The following UPRT variants were observed in gnomAD, a reference collection of about 807,000 sequenced individuals.
UPRT encodes the protein uracil phosphoribosyltransferase homolog.
Under a neutral mutation model 22.6 loss-of-function variants are expected in UPRT, and 5 were observed. The observed-to-expected ratio is 0.22, with a 90% CI of 0.12 to 0.47. UPRT has a LOEUF of 0.47. UPRT is among the 20% of genes least tolerant of loss of function. The pLI is 0.99. For synonymous variants in UPRT, 77 were observed against 87.7 expected, an observed-to-expected ratio of 0.88 and a Z score of 0.68; for missense variants, 181 against 239.9, an observed-to-expected ratio of 0.75 and a Z score of 1.62.
At chrX:75,217,236 C>T (rs938056895) in intron 4 of UPRT, among the ~76,000 whole-genome samples, 4 of 110,590 alleles carry the variant, frequency 3.6e-5, no homozygotes, top group Admixed American at 2.9e-4. Context: ...TGTTACGTAG[C>T]GTGATGCCTC....
intron 4 of UPRT, among the ~76,000 whole-genome samples, chrX:75,228,744 G>T (rs1667318569): frequency 9.0e-6 from 1 of 111,688 alleles, no homozygotes; most frequent in Non-Finnish European, 1.9e-5. Context: ...AATTTAACAG[G>T]TTCTCTTTTT....
At chrX:75,181,268 G>T (rs746718036) in intron 4 of UPRT, among the ~76,000 whole-genome samples, 168 of 111,611 alleles carry the variant, frequency 1.5e-3, no homozygotes, top group Non-Finnish European at 2.7e-3. Context: ...TTGTAGTATA[G>T]TTTGAAATTG....
chrX:75,214,901 A>G (rs939107470), intron 4 of UPRT, among the ~76,000 whole-genome samples: 1 of 110,082 alleles, frequency 9.1e-6, no homozygotes, highest in Non-Finnish European at 1.9e-5. Context: ...TGAAAGAGTA[A>G]GGCTTTGTCT....
At chrX:75,177,013 T>C (rs2082249126) in intron 4 of UPRT, among the ~76,000 whole-genome samples, 1 of 111,043 alleles carries the variant, frequency 9.0e-6, no homozygotes, top group Admixed American at 9.5e-5. Flanking sequence ...ATTTCAAGGG[T>C]GAGCCTGTTG....
intron 4 of UPRT, among the ~76,000 whole-genome samples, chrX:75,245,630 T>C (rs2082502555): frequency 8.9e-6 from 1 of 112,374 alleles, no homozygotes; most frequent in South Asian, 3.7e-4. Context: ...AATGACATCA[T>C]GTGCTTTGCA....
intron 4 of UPRT, among the ~76,000 whole-genome samples, chrX:75,251,314 G>A (rs770842207): frequency 6.3e-5 from 7 of 111,118 alleles, no homozygotes; most frequent in African/African-American, 1.6e-4. Flanking sequence ...TAGAAAACCC[G>A]ATCGTCTCAG....
intron 4 of UPRT, among the ~76,000 whole-genome samples, chrX:75,219,066 T>A (rs5981812): frequency 0.032 from 3,551 of 111,533 alleles, 147 homozygotes; most frequent in African/African-American, 0.11. Context: ...AAAAAGAGTG[T>A]TGTTACTAAA....
chrX:75,303,536 T>G lies in UPRT; in HGVS notation c.*25T>G, dbSNP rs757791218. 1 of 1,051,113 alleles carries G rather than the reference T, an allele frequency of 9.5e-7. No individual in the cohort carries two copies. The highest frequency in any genetic ancestry group is 2.1e-5 in the South Asian group (1 of 48,155). The allele number at this position is 1,051,113 out of a possible 1,213,427, so 86.6% of individuals were successfully genotyped here. On this transcript the variant is annotated 3_prime_UTR_variant, in exon 7 of 7. Coordinates refer to ENST00000373383, the MANE Select transcript of UPRT (RefSeq NM_145052.4). ...AGTTATTTAAGTAAAATAATTATCT[T>G]ATGTAATATTACAATCATGTTTTGA...
At chrX:75,158,107 T>A (rs748976281) in intron 1 of UPRT, among the ~76,000 whole-genome samples, 1 of 112,107 alleles carries the variant, frequency 8.9e-6, no homozygotes, top group Non-Finnish European at 1.9e-5. Context: ...TGAATAACAT[T>A]GAAATACCCA....
chrX:75,263,684 A>AT (rs944530202), intron 4 of UPRT, among the ~76,000 whole-genome samples: 8 of 106,915 alleles, frequency 7.5e-5, no homozygotes, highest in African/African-American at 2.4e-4. Context: ...GGATTCATTA[A>AT]TTTTTTGAAG....
upstream of UPRT, among the ~76,000 whole-genome samples, chrX:75,272,457 A>G (rs1189675572): frequency 1.9e-5 from 2 of 106,125 alleles, no homozygotes; most frequent in Non-Finnish European, 3.9e-5. Flanking sequence ...TTGGAGACTA[A>G]TATTCTAAGT....
Position 75,300,876 on chromosome X carries a change from A to G in UPRT, c.734A>G (p.Asn245Ser), listed in dbSNP as rs2082741931. ...TATCTTTTGATTTCAGGCACTGGAAATACTGTAATTGAAGCTGTAAAGGTT... is the reference window on the plus strand; with the variant it reads ...TATCTTTTGATTTCAGGCACTGGAAGTACTGTAATTGAAGCTGTAAAGGTT... ...LLMYPILSTG[N>S]TVIEAVKVLI... The change falls in exon 6 of 7, where the codon AAT becomes AGT. Residue 245 changes from asparagine (N) to serine (S), a missense_variant. By Grantham distance (46) the Asn-to-Ser change is conservative. Around this residue, in one of 2 missense-constraint regions of UPRT, gnomAD observed 70 missense variants for 137.0 expected, o/e 0.51. Transcript: ENST00000373383. 8.3e-7 allele frequency: 1 copy of G among 1,202,051 alleles called. No homozygotes were observed.
intron 4 of UPRT, among the ~76,000 whole-genome samples, chrX:75,210,737 G>A (rs901652199): frequency 9.1e-6 from 1 of 110,100 alleles, no homozygotes; most frequent in Non-Finnish European, 1.9e-5. Context: ...AAAGGAGGAG[G>A]CATTTTTGCG....
intron 4 of UPRT, among the ~76,000 whole-genome samples, chrX:75,263,045 A>G (rs766404444): frequency 2.5e-4 from 28 of 111,980 alleles, no homozygotes; most frequent in African/African-American, 8.4e-4. Flanking sequence ...AATTGACCAT[A>G]TACTTGGAAG....
chrX:75,263,142 C>A (rs767830025), intron 4 of UPRT, among the ~76,000 whole-genome samples: 5 of 110,527 alleles, frequency 4.5e-5, no homozygotes, highest in African/African-American at 1.3e-4. Context: ...GAACTCAGGA[C>A]TATTGATGTT....
chrX:75,253,699 G>T (rs1427589469), intron 4 of UPRT, among the ~76,000 whole-genome samples: 2 of 111,984 alleles, frequency 1.8e-5, no homozygotes, highest in Non-Finnish European at 3.8e-5. Flanking sequence ...TCTGAAGGAA[G>T]CAGATTGCCC....
chrX:75,189,308 A>C (rs1359713926), intron 4 of UPRT, among the ~76,000 whole-genome samples: 3 of 111,965 alleles, frequency 2.7e-5, no homozygotes, highest in Non-Finnish European at 5.6e-5. Flanking sequence ...GAGTTTCTTA[A>C]TCCTGAGTTC....
intron 4 of UPRT, among the ~76,000 whole-genome samples, chrX:75,265,072 T>A (rs1602481481): frequency 8.9e-6 from 1 of 112,208 alleles, no homozygotes; most frequent in East Asian, 2.8e-4. Context: ...TGGGCTTCCC[T>A]TTGTGGGTAA....
chrX:75,208,348 G>A (rs1410708883), intron 4 of UPRT, among the ~76,000 whole-genome samples: 1 of 111,616 alleles, frequency 9.0e-6, no homozygotes, highest in Non-Finnish European at 1.9e-5. Context: ...GGGAAGTTCA[G>A]CCTAGTCCTT....
Sources: allele counts gnomAD v4.1 joint callset (sites outside exome capture counted in the v4.1 genomes callset), GRCh38; gene constraint gnomAD v4.1.1; regional missense constraint gnomAD v4.1.1; transcripts MANE v1.5; gene names NCBI Gene and HGNC (gene_info 2026-07-23, HGNC 2026-07-21).